Variants in LURAP1L observed in about 807,000 individuals in gnomAD.
The protein encoded by LURAP1L is leucine rich adaptor protein 1-like.
A neutral mutation model predicts 13.8 loss-of-function variants in LURAP1L; 12 were observed. The observed-to-expected ratio is 0.87, with a 90% confidence interval of 0.56 to 1.41. The LOEUF (loss-of-function observed/expected upper bound fraction) is 1.41, where lower values mean the gene tolerates loss of function less well. Ranked by LOEUF, LURAP1L falls within the 40% of genes most tolerant of loss-of-function variation. LURAP1L has a pLI of 0.00. For synonymous variants in LURAP1L, 139 were observed against 119.2 expected (o/e 1.17, Z -1.08); for missense variants, 375 against 292.9 (o/e 1.28, Z -2.04).
intron 1 of LURAP1L, among the ~76,000 whole-genome samples, chr9:12,804,262 A>T (rs1360172016): frequency 1.3e-5 from 2 of 152,080 alleles, no homozygotes; most frequent in African/African-American, 4.8e-5. Context: ...TATCATCTGC[A>T]TAGTCTATAC....
intron 1 of LURAP1L, among the ~76,000 whole-genome samples, chr9:12,803,369 C>T (rs1443426382): frequency 1.3e-5 from 2 of 152,148 alleles, no homozygotes; most frequent in Non-Finnish European, 2.9e-5. Context: ...AGATTAGATA[C>T]TTGTTATAGT....
At position 12,783,723 on chromosome 9, in the gene LURAP1L, G is replaced by A. The variant is rs1819307843; in HGVS notation, c.312+7696G>A. On this transcript the variant is annotated intron_variant, in intron 1 of 1. Coordinates refer to ENST00000319264, the MANE Select transcript of LURAP1L (RefSeq NM_203403.2). ...CAGGGTAATACTGGCCTAATAGACT[G>A]AGTTTAGAAGTATTCTCTCCTCTGT... 2.6e-5 allele frequency among the ~76,000 whole-genome samples: 4 copies of A among 151,792 alleles called. No individual in the cohort carries two copies. The South Asian group carries it at 6.2e-4, about 24-fold the overall frequency.
intron 1 of LURAP1L, among the ~76,000 whole-genome samples, chr9:12,797,381 A>G (rs767267481): frequency 3.3e-5 from 5 of 152,256 alleles, no homozygotes; most frequent in Non-Finnish European, 5.9e-5. Flanking sequence ...AGCAGCACAC[A>G]CAAAATGTTA....
chr9:12,820,271 G>T (rs963495482), intron 1 of LURAP1L, among the ~76,000 whole-genome samples: 9 of 151,990 alleles, frequency 5.9e-5, no homozygotes, highest in Non-Finnish European at 1.5e-5. Flanking sequence ...TTGGGAGGCC[G>T]AGGCGGGCGG....
chr9:12,797,823 G>T (rs1358916604), intron 1 of LURAP1L, among the ~76,000 whole-genome samples: 1 of 151,976 alleles, frequency 6.6e-6, no homozygotes. Flanking sequence ...CTAATTATAG[G>T]GCAAACAGTT....
chr9:12,788,909 A>AT (rs1267953888), intron 1 of LURAP1L, among the ~76,000 whole-genome samples: 5 of 150,396 alleles, frequency 3.3e-5, no homozygotes, highest in African/African-American at 1.2e-4. Flanking sequence ...ATATATATAT[A>AT]TATTTTTAAT....
In LURAP1L at chr9:12,822,657, C is replaced by G. The variant is rs1228571496; in HGVS notation, c.*897C>G. On this transcript the variant is annotated 3_prime_UTR_variant, in exon 2 of 2. Coordinates refer to ENST00000319264, the MANE Select transcript of LURAP1L (RefSeq NM_203403.2). The stretch of plus-strand genomic sequence containing the variant: ...GCCTACTATCAGCATCCTACTACTG[C>G]TTCCCTAAAGCAGAATTGTTATTCA... Among the ~76,000 whole-genome samples, 1 of 152,124 alleles carries G rather than the reference C, an allele frequency of 6.6e-6. No individual in the cohort carries two copies. The highest frequency in any genetic ancestry group is 1.5e-5 in the Non-Finnish European group (1 of 68,002).
chr9:12,804,669 AT>A (rs35780082), intron 1 of LURAP1L, among the ~76,000 whole-genome samples: 17 of 151,974 alleles, frequency 1.1e-4, no homozygotes, highest in East Asian at 9.7e-4. Flanking sequence ...TATCAAAAAA[AT>A]TTTTTTTTAA....
At chr9:12,804,244 C>T (rs957224) in intron 1 of LURAP1L, among the ~76,000 whole-genome samples, 32,495 of 151,910 alleles carry the variant, frequency 0.21, 4,358 homozygotes, top group African/African-American at 0.35. Flanking sequence ...TAGTTTTAAG[C>T]TCTTTTGTAT....
At chr9:12,816,137 G>C (rs150785200) in intron 1 of LURAP1L, among the ~76,000 whole-genome samples, 5 of 152,120 alleles carry the variant, frequency 3.3e-5, no homozygotes, top group African/African-American at 7.2e-5. Context: ...GAAATCCTGG[G>C]ATTATCTGAT....
intron 1 of LURAP1L, among the ~76,000 whole-genome samples, chr9:12,781,772 C>G (rs928866781): frequency 1.6e-4 from 24 of 152,032 alleles, no homozygotes; most frequent in African/African-American, 5.3e-4. Context: ...GAGTATATAC[C>G]TAGTAGTGGG....
At chr9:12,776,139 T>A (rs1400786341) in intron 1 of LURAP1L, 112 bp downstream of exon 1, 3 of 1,102,584 alleles carry the variant, frequency 2.7e-6, no homozygotes, top group Non-Finnish European at 4.0e-6. Context: ...AGCGGAGCGC[T>A]GGGCGCGTGG....
intron 1 of LURAP1L, among the ~76,000 whole-genome samples, chr9:12,802,227 G>C (rs967201527): frequency 3.9e-5 from 6 of 152,184 alleles, no homozygotes; most frequent in African/African-American, 1.4e-4. Flanking sequence ...AAGCTATTTT[G>C]AGGGCAGCTC....
chr9:12,776,569 C>G (rs1819187865), intron 1 of LURAP1L, among the ~76,000 whole-genome samples: 1 of 152,166 alleles, frequency 6.6e-6, no homozygotes, highest in African/African-American at 2.4e-5. Context: ...GTGCAGCAGC[C>G]GCAGCTGTTC....
At chr9:12,808,580 CTGAGTA>C (rs767235328) in intron 1 of LURAP1L, among the ~76,000 whole-genome samples, 21 of 152,094 alleles carry the variant, frequency 1.4e-4, no homozygotes, top group Non-Finnish European at 2.4e-4. Context: ...TATATGGTTT[CTGAGTA>C]TAAGTTTGGT....
At chr9:12,814,705 G>C (rs1039524909) in intron 1 of LURAP1L, among the ~76,000 whole-genome samples, 4 of 152,154 alleles carry the variant, frequency 2.6e-5, no homozygotes, top group African/African-American at 9.7e-5. Flanking sequence ...ACCAGATACA[G>C]CTTTCTACTT....
rs149497126 is a variant in LURAP1L, at chr9:12,786,938, G to C, written c.312+10911G>C. Reference sequence around the variant, plus strand: ...ATTGGACCCATCATTTCATTTGGCAGTTTCAGATTTTTCTCTATTTTTGGT... The same window carrying C: ...ATTGGACCCATCATTTCATTTGGCACTTTCAGATTTTTCTCTATTTTTGGT... On this transcript the variant is annotated intron_variant, in intron 1 of 1. Transcript: ENST00000319264. 9.0e-3 allele frequency among the ~76,000 whole-genome samples: 1,373 copies of C among 151,964 alleles called. 24 individuals carry two copies. The highest frequency in any genetic ancestry group is 0.031 in the African/African-American group (1,300 of 41,466).
intron 1 of LURAP1L, among the ~76,000 whole-genome samples, chr9:12,783,804 C>T (rs893225470): frequency 4.7e-5 from 7 of 147,606 alleles, no homozygotes; most frequent in African/African-American, 9.9e-5. Flanking sequence ...TAAAATTCAG[C>T]AATGAAGCTA....
intron 1 of LURAP1L, chr9:12,777,198 A>C (rs1399411799): frequency 1.0e-6 from 1 of 977,426 alleles, no homozygotes; most frequent in East Asian, 1.1e-4. Context: ...GTTATTTTTT[A>C]GGTTGGACAA....
Sources: gnomAD v4.1 joint callset for allele counts (sites outside exome capture counted in the v4.1 genomes callset) on GRCh38, gnomAD v4.1.1 for gene constraint, MANE v1.5 for transcripts, NCBI Gene and HGNC (gene_info 2026-07-23, HGNC 2026-07-21) for gene names.